NBPF12: variants seen among roughly 807,000 people sequenced by gnomAD.
NBPF12 encodes NBPF member 12.
Under a neutral mutation model 146.4 loss-of-function variants are expected in NBPF12, and 115 were observed. That is an observed-to-expected ratio of 0.79 (90% confidence interval 0.68 to 0.92). NBPF12 has a LOEUF of 0.92. NBPF12 is among the 40% of genes least tolerant of loss of function. The probability of loss-of-function intolerance (pLI) is 0.00; values close to 1 mark genes in which losing one functional copy is unlikely to be tolerated. For synonymous variants in NBPF12, 385 were observed against 508.9 expected (o/e 0.76, Z 3.28); for missense variants, 1,205 against 1,326.8 (o/e 0.91, Z 1.43).
rs1188799622 is a variant in NBPF12, at chr1:146,958,010, T to C, written c.-183-1849T>C. On this transcript the variant is annotated intron_variant, in intron 2 of 33. Coordinates refer to ENST00000617844, the Ensembl canonical transcript of NBPF12. ...GTGTATATATATATATACATGTGTA[T>C]ATATAAATAATACATATACACGTGT... Among the ~76,000 whole-genome samples the C allele has an allele frequency of 2.7e-3, 329 of 121,776 alleles. 62 individuals carry two copies. The highest frequency in any genetic ancestry group is 5.0e-3 in the Non-Finnish European group (281 of 56,740). The allele number at this position is 121,776 out of a possible 152,430, so 79.9% of individuals were successfully genotyped here.
chr1:146,959,197 C>G (rs1429726587), intron 2 of NBPF12, among the ~76,000 whole-genome samples: 1 of 90,786 alleles, frequency 1.1e-5, no homozygotes, highest in African/African-American at 4.0e-5. Flanking sequence ...AGAAGTCGGC[C>G]GTGTGCGGTG....
At chr1:146,962,695 T>C (rs2101849498) in intron 5 of NBPF12, among the ~76,000 whole-genome samples, 1 of 149,230 alleles carries the variant, frequency 6.7e-6, no homozygotes, top group Non-Finnish European at 1.5e-5. Flanking sequence ...TCTTTTCAAT[T>C]CGCCCCATCT....
Position 146,981,290 on chromosome 1 carries a change from A to ATATAT in NBPF12, c.2451-1638_2451-1637insTATAT, listed in dbSNP as rs1264698070. Among the ~76,000 whole-genome samples the ATATAT allele has an allele frequency of 6.2e-3, 666 of 107,462 alleles. 2 individuals are homozygous for ATATAT. The highest frequency in any genetic ancestry group is 0.02 in the African/African-American group (516 of 25,504). 70.5% of individuals were successfully genotyped at this position (107,462 alleles called of 152,430 possible). On this transcript the variant is annotated intron_variant, in intron 19 of 33. Coordinates refer to ENST00000617844, the Ensembl canonical transcript of NBPF12. Reference sequence around the variant, plus strand: ...GACTTAAAGTATTAAAAAAAAAAAAAAAAAATATATATATATATATATATA... The same window carrying ATATAT: ...GACTTAAAGTATTAAAAAAAAAAAAATATATAAAAATATATATATATATATATATA...
At chr1:146,973,633 C>G (rs1203922452) in intron 14 of NBPF12, among the ~76,000 whole-genome samples, 7 of 149,212 alleles carry the variant, frequency 4.7e-5, no homozygotes, top group Non-Finnish European at 7.4e-5. Flanking sequence ...ACTAAAAATA[C>G]AAAAAGTAGA....
chr1:146,946,925 G>A (rs1159704405), upstream of NBPF12, among the ~76,000 whole-genome samples: 1 of 151,960 alleles, frequency 6.6e-6, no homozygotes, highest in East Asian at 1.9e-4. Context: ...ACCACTAGTT[G>A]GAAAGGCTAT....
In NBPF12 at chr1:146,964,147, C is replaced by T. The variant is rs1183516406; in HGVS notation, c.494-210C>T. On this transcript the variant is annotated intron_variant, in intron 6 of 33. Coordinates refer to ENST00000617844, the Ensembl canonical transcript of NBPF12. ...AGCAAAAGGTCTTTTCAGTATTTGGCCACATCTTGATGGTGGCCCTCCACA... is the reference window on the plus strand; with the variant it reads ...AGCAAAAGGTCTTTTCAGTATTTGGTCACATCTTGATGGTGGCCCTCCACA... Among the ~76,000 whole-genome samples the T allele has an allele frequency of 5.2e-3, 770 of 147,650 alleles. 8 individuals are homozygous for T. The highest frequency in any genetic ancestry group is 0.019 in the African/African-American group (725 of 39,122).
chr1:146,945,472 G>A (rs1375928994), upstream of NBPF12, among the ~76,000 whole-genome samples: 4 of 151,736 alleles, frequency 2.6e-5, no homozygotes, highest in Non-Finnish European at 5.9e-5. Flanking sequence ...TGTGTTCCGG[G>A]GGCACCCCAG....
chr1:146,939,742 AAG>A (rs1654711803), intron 1 of NBPF12, among the ~76,000 whole-genome samples: 1 of 151,858 alleles, frequency 6.6e-6, no homozygotes, highest in Admixed American at 6.5e-5. Flanking sequence ...GAAGCACTTT[AAG>A]AGGCCGACGC....
At chr1:146,970,459 C>T (rs1413940228) in intron 11 of NBPF12, among the ~76,000 whole-genome samples, 188 bp from the exon 15 acceptor site, 2 of 151,042 alleles carry the variant, frequency 1.3e-5, no homozygotes, top group Non-Finnish European at 2.9e-5. Context: ...GGTGGCCCTC[C>T]ACATCAGAAA....
chr1:146,966,700 A>G, intron 9 of NBPF12, 27 bp downstream of exon 12: 1 of 1,175,440 alleles, frequency 8.5e-7, no homozygotes, highest in Non-Finnish European at 1.3e-6. Flanking sequence ...CACCATCACG[A>G]AAGTGATGAA....
chr1:146,965,050 G>A, exon 8 of NBPF12: 1 of 1,608,350 alleles, frequency 6.2e-7, no homozygotes, highest in Non-Finnish European at 8.5e-7. Context: ...AACTGTGGTT[G>A]TAGACAGAAA....
intron 11 of NBPF12, among the ~76,000 whole-genome samples, chr1:146,970,002 C>G (rs1656484024): frequency 6.7e-6 from 1 of 149,934 alleles, no homozygotes; most frequent in Admixed American, 6.6e-5. Context: ...TTCTCTCTCT[C>G]CATCTGCAAA....
chr1:146,992,434 T>TTC (rs139645973), intron 31 of NBPF12, among the ~76,000 whole-genome samples: 4,231 of 79,966 alleles, frequency 0.053, 118 homozygotes, highest in Non-Finnish European at 0.066. Flanking sequence ...ACTGAGCTCG[T>TTC]TCTCTCTCTC....
chr1:146,973,911 T>C (rs1320374262), intron 14 of NBPF12, among the ~76,000 whole-genome samples: 1 of 150,348 alleles, frequency 6.7e-6, no homozygotes, highest in African/African-American at 2.5e-5. Context: ...CACCCGAGAA[T>C]GTGTGGAGGT....
chr1:146,956,248 A>G (rs1655581730), intron 2 of NBPF12, among the ~76,000 whole-genome samples: 4 of 151,990 alleles, frequency 2.6e-5, no homozygotes. Context: ...TGCATGAAAG[A>G]AGGCAGACAC....
chr1:146,944,554 C>T (rs1412751806), upstream of NBPF12, among the ~76,000 whole-genome samples: 488 of 150,748 alleles, frequency 3.2e-3, 9 homozygotes, highest in Non-Finnish European at 4.7e-4. Context: ...TGTCTCATCT[C>T]ATTCTTTGGG....
chr1:146,982,611 T>C (rs1433202296), intron 19 of NBPF12, among the ~76,000 whole-genome samples: 2 of 151,854 alleles, frequency 1.3e-5, no homozygotes, highest in African/African-American at 4.8e-5. Flanking sequence ...ACCCAATTTA[T>C]GCAAAGTAGT....
chr1:146,952,384 C>G (rs1655363135), intron 2 of NBPF12, among the ~76,000 whole-genome samples: 1 of 152,128 alleles, frequency 6.6e-6, no homozygotes, highest in Non-Finnish European at 1.5e-5. Flanking sequence ...CTGGCAGTCT[C>G]TGTGTACTCT....
intron 8 of NBPF12, among the ~76,000 whole-genome samples, chr1:146,966,102 G>T (rs1328221137): frequency 6.6e-6 from 1 of 151,764 alleles, no homozygotes; most frequent in Non-Finnish European, 1.5e-5. Context: ...GTGAGACTCC[G>T]TCTCAAACAG....
Sources: gnomAD v4.1 joint callset for allele counts (sites outside exome capture counted in the v4.1 genomes callset) on GRCh38, gnomAD v4.1.1 for gene constraint, MANE v1.5 for transcripts, NCBI Gene and HGNC (gene_info 2026-07-23, HGNC 2026-07-21) for gene names.